Variants in KIAA1328 observed in about 807,000 individuals in gnomAD.
KIAA1328 encodes KIAA1328, also known as protein hinderin.
Under a neutral mutation model 68.1 loss-of-function variants are expected in KIAA1328, and 52 were observed. The observed-to-expected ratio is 0.76, with a 90% CI of 0.61 to 0.96. The LOEUF is 0.96. Ranked by LOEUF, KIAA1328 falls within the 40% of genes least tolerant of loss-of-function variation. The pLI is 0.00. For synonymous variants in KIAA1328, 232 were observed against 239.4 expected (o/e 0.97, Z 0.28); for missense variants, 641 against 677.6 (o/e 0.95, Z 0.60).
chr18:36,979,832 A>G (rs927416561), intron 6 of KIAA1328, among the ~76,000 whole-genome samples: 1 of 152,230 alleles, frequency 6.6e-6, no homozygotes, highest in Non-Finnish European at 1.5e-5. Flanking sequence ...ATCACTGTCT[A>G]TAGTGTATAC....
rs559814493 is a variant in KIAA1328, at chr18:37,103,478, T to A, written c.1232+35933T>A. ...GCGTATGAATGAAACTAGACCCTTGTCTCTCACCATAGGCAAAAATCAACT... is the reference window on the plus strand; with the variant it reads ...GCGTATGAATGAAACTAGACCCTTGACTCTCACCATAGGCAAAAATCAACT... On this transcript the variant is annotated intron_variant, in intron 7 of 9. Transcript: ENST00000280020. Among the ~76,000 whole-genome samples the A allele has an allele frequency of 4.6e-5, 7 of 152,300 alleles. No homozygotes were observed. In the South Asian group the frequency reaches 1.0e-3, roughly 23 times the overall value.
At chr18:36,990,666 G>A (rs977047220) in intron 6 of KIAA1328, among the ~76,000 whole-genome samples, 8 of 151,012 alleles carry the variant, frequency 5.3e-5, no homozygotes, top group African/African-American at 9.7e-5. Flanking sequence ...GCAAGACTCC[G>A]TCTAAATATA....
chr18:36,945,585 T>A (rs1474136659), intron 5 of KIAA1328, among the ~76,000 whole-genome samples: 4 of 152,206 alleles, frequency 2.6e-5, no homozygotes, highest in Non-Finnish European at 4.4e-5. Flanking sequence ...TTTTATTGAA[T>A]GTGTTTGATT....
chr18:37,115,915 T>C (rs2058092342), intron 7 of KIAA1328, among the ~76,000 whole-genome samples: 4 of 152,152 alleles, frequency 2.6e-5, no homozygotes, highest in Admixed American at 2.6e-4. Flanking sequence ...TCACAATTGC[T>C]TCAAAGAGAA....
chr18:37,210,606 G>A (rs1480523167), intron 9 of KIAA1328, among the ~76,000 whole-genome samples: 1 of 152,174 alleles, frequency 6.6e-6, no homozygotes, highest in Non-Finnish European at 1.5e-5. Context: ...CACAGCCCCA[G>A]CAGGATCAGG....
intron 4 of KIAA1328, among the ~76,000 whole-genome samples, chr18:36,858,342 G>A (rs1187167018): frequency 6.6e-6 from 1 of 152,012 alleles, no homozygotes; most frequent in African/African-American, 2.4e-5. Context: ...GCATTTGCAT[G>A]GTATACTTTA....
intron 7 of KIAA1328, among the ~76,000 whole-genome samples, chr18:37,099,589 G>T (rs1367890912): frequency 6.6e-6 from 1 of 152,150 alleles, no homozygotes; most frequent in Non-Finnish European, 1.5e-5. Flanking sequence ...TGTCTATTAG[G>T]TCTGCTTGGT....
intron 6 of KIAA1328, among the ~76,000 whole-genome samples, chr18:37,021,824 G>A (rs2054357971): frequency 6.6e-6 from 1 of 151,876 alleles, no homozygotes; most frequent in African/African-American, 2.4e-5. Context: ...GGATCACGAG[G>A]TCAGGAGATC....
intron 6 of KIAA1328, among the ~76,000 whole-genome samples, chr18:36,970,896 A>G (rs374926457): frequency 5.3e-5 from 8 of 152,330 alleles, no homozygotes; most frequent in Non-Finnish European, 1.0e-4. Flanking sequence ...TGTTGACTCA[A>G]TGCTATCCCC....
intron 5 of KIAA1328, among the ~76,000 whole-genome samples, chr18:36,942,197 G>A (rs1418868451): frequency 2.0e-5 from 3 of 152,240 alleles, no homozygotes; most frequent in Non-Finnish European, 4.4e-5. Context: ...TATTTAAGAT[G>A]TGAGGCCTGT....
At chr18:37,202,265 A>G (rs1402284418) in intron 9 of KIAA1328, among the ~76,000 whole-genome samples, 2 of 152,228 alleles carry the variant, frequency 1.3e-5, no homozygotes, top group Non-Finnish European at 2.9e-5. Flanking sequence ...GAAAGGTTAT[A>G]ACAAAATTAT....
intron 6 of KIAA1328, among the ~76,000 whole-genome samples, chr18:37,028,063 T>C (rs1238833921): frequency 6.6e-6 from 1 of 152,160 alleles, no homozygotes; most frequent in East Asian, 1.9e-4. Context: ...AACAGACACT[T>C]CTCAAAAGAA....
intron 6 of KIAA1328, among the ~76,000 whole-genome samples, chr18:37,036,786 G>T (rs1194815761): frequency 6.6e-6 from 1 of 152,186 alleles, no homozygotes; most frequent in Non-Finnish European, 1.5e-5. Context: ...TTTTAGGACA[G>T]TTTTCTGTGA....
intron 6 of KIAA1328, among the ~76,000 whole-genome samples, chr18:37,026,242 A>G (rs1054146774): frequency 1.3e-5 from 2 of 152,162 alleles, no homozygotes; most frequent in Non-Finnish European, 2.9e-5. Flanking sequence ...TAGCTTACCA[A>G]CAAAAAAAGT....
At chr18:37,047,440 T>C (rs2055518778) in intron 6 of KIAA1328, among the ~76,000 whole-genome samples, 1 of 152,216 alleles carries the variant, frequency 6.6e-6, no homozygotes, top group Non-Finnish European at 1.5e-5. Context: ...ACCATTTTTA[T>C]ACTGGCTCCT....
intron 6 of KIAA1328, among the ~76,000 whole-genome samples, chr18:36,967,144 C>T (rs1035234308): frequency 3.9e-5 from 6 of 151,948 alleles, no homozygotes; most frequent in Admixed American, 6.6e-5. Context: ...TTGGTAGGCC[C>T]GATCTAATAA....
chr18:36,909,728 T>C (rs1011069857), intron 5 of KIAA1328, among the ~76,000 whole-genome samples: 1 of 152,218 alleles, frequency 6.6e-6, no homozygotes, highest in Non-Finnish European at 1.5e-5. Flanking sequence ...CCACAATGGT[T>C]GAACCAGTTT....
intron 5 of KIAA1328, among the ~76,000 whole-genome samples, chr18:36,926,147 T>A (rs1173376261): frequency 6.6e-6 from 1 of 152,080 alleles, no homozygotes; most frequent in African/African-American, 2.4e-5. Flanking sequence ...GTTTCTTGGG[T>A]GCTAATTGAT....
chr18:36,916,638 A>C (rs1042772653), intron 5 of KIAA1328, among the ~76,000 whole-genome samples: 2 of 152,182 alleles, frequency 1.3e-5, no homozygotes, highest in East Asian at 1.9e-4. Context: ...AAATAAACCC[A>C]TTTAATCCTT....
Sources: allele counts gnomAD v4.1 joint callset (sites outside exome capture counted in the v4.1 genomes callset), GRCh38; gene constraint gnomAD v4.1.1; transcripts MANE v1.5; gene names NCBI Gene and HGNC (gene_info 2026-07-23, HGNC 2026-07-21).